MRC1: variants seen among roughly 807,000 people sequenced by gnomAD.
The protein encoded by MRC1 is mannose receptor C-type 1, also known as macrophage mannose receptor 1.
A neutral mutation model predicts 102.9 loss-of-function variants in MRC1; 62 were observed. The ratio of observed to expected loss-of-function variants is 0.60; its 90% CI spans 0.49 to 0.74. The LOEUF (loss-of-function observed/expected upper bound fraction) is 0.74. Among genes scored for constraint, MRC1 ranks in the 30% least tolerant of loss-of-function variants. The pLI, the probability that MRC1 is intolerant of heterozygous loss-of-function variation, is 0.00. For synonymous variants in MRC1, 457 were observed against 298.4 expected, an observed-to-expected ratio of 1.53 and a Z score of -5.48; for missense variants, 1,237 against 862.8, an observed-to-expected ratio of 1.43 and a Z score of -5.43.
At chr10:17,888,288 A>G (rs1357921160) in intron 22 of MRC1, among the ~76,000 whole-genome samples, 1 of 152,182 alleles carries the variant, frequency 6.6e-6, no homozygotes, top group African/African-American at 2.4e-5. Context: ...AAGAAAGGAA[A>G]TAGGGTGAGT....
chr10:17,856,287 A>T lies in MRC1; in HGVS notation c.1453A>T (p.Ile485Phe), dbSNP rs1160614744. 2 of 867,468 alleles carry T rather than the reference A, an allele frequency of 2.3e-6. No homozygotes were observed. The highest frequency in any genetic ancestry group is 2.0e-6 in the Non-Finnish European group (1 of 499,462). 53.7% of individuals were successfully genotyped at this position (867,468 alleles called of 1,614,324 possible). ...GGGCTGTGAGTGGCCTCTTGGCTACATCTGCAAGATGAAATCACGAAGCCA... is the reference window on the plus strand; with the variant it reads ...GGGCTGTGAGTGGCCTCTTGGCTACTTCTGCAAGATGAAATCACGAAGCCA... ...DRGCEWPLGY[I>F]CKMKSRSQGP... Residue 485 changes from isoleucine (I) to phenylalanine (F), a missense_variant, in exon 9 of 30, where the codon ATC becomes TTC. Ile to Phe is a conservative substitution (Grantham distance 21). Coordinates refer to ENST00000569591, the MANE Select transcript of MRC1 (RefSeq NM_002438.4).
In MRC1 at chr10:17,827,677, A is replaced by T; in HGVS notation, c.599A>T (p.Tyr200Phe). ...CTCTGGTGCGGAACCACTACTGACTATGACACAGACAAGCTATTTGGATAT... is the reference window on the plus strand; with the variant it reads ...CTCTGGTGCGGAACCACTACTGACTTTGACACAGACAAGCTATTTGGATAT... Reference protein sequence around the residue: ...GWLWCGTTTDYDTDKLFGYCP... With the variant: ...GWLWCGTTTDFDTDKLFGYCP... The change falls in exon 3 of 30, where the codon TAT (tyrosine) becomes TTT (phenylalanine). Residue 200 changes from tyrosine (Y) to phenylalanine (F), a missense_variant. Transcript: ENST00000569591. The T allele has an allele frequency of 1.3e-6, 1 of 780,882 alleles. No homozygotes were observed. Among genetic ancestry groups the T allele is most frequent in the South Asian group, 1.3e-5 (1 of 74,608 alleles). The allele number at this position is 780,882 out of a possible 1,614,324, so 48.4% of individuals were successfully genotyped here. A position where few individuals can be genotyped will look rare whatever the true frequency, so the allele number is the denominator to read the frequency against.
chr10:17,829,153 G>T (rs1310660068), intron 3 of MRC1, among the ~76,000 whole-genome samples: 3 of 151,508 alleles, frequency 2.0e-5, no homozygotes, highest in Non-Finnish European at 4.4e-5. Context: ...TGGGATGATT[G>T]TGACACCACC....
intron 1 of MRC1, among the ~76,000 whole-genome samples, chr10:17,811,804 C>A (rs1329933316): frequency 6.6e-6 from 1 of 152,012 alleles, no homozygotes; most frequent in Admixed American, 6.6e-5. Context: ...TCAGGCCGAT[C>A]TCAAACTTCT....
intron 28 of MRC1, among the ~76,000 whole-genome samples, chr10:17,908,730 A>T (rs1259406534): frequency 6.6e-6 from 1 of 151,916 alleles, no homozygotes; most frequent in Non-Finnish European, 1.5e-5. Context: ...CACTATGCCC[A>T]GCTAATTTTT....
rs1342431670 is a variant in MRC1 at position 17,853,091 on chromosome 10, C to T, written c.1374C>T (p.Asn458=). 1 of 780,746 alleles carries T rather than the reference C, an allele frequency of 1.3e-6. No homozygotes were observed. The highest frequency in any genetic ancestry group is 1.3e-5 in the South Asian group (1 of 74,594). The allele number at this position is 780,746 out of a possible 1,614,324, so 48.4% of individuals were successfully genotyped here. Residue 458 remains asparagine (N), a synonymous_variant, in exon 8 of 30, where the codon AAC becomes AAT. Coordinates refer to ENST00000569591, the MANE Select transcript of MRC1 (RefSeq NM_002438.4). ...GTGGAGAACCAAGCCATGAAAACAA[C>T]AGACAGGAGGATTGTGTGGTGATGA... ...WLRGEPSHEN[N]RQEDCVVMKG...
rs969532798 is a variant in MRC1, at chr10:17,880,765, T to A, written c.2865+95T>A. ...AGTTAACTTTTGCTAGCCTCATTAC[T>A]TTAGAAAATTTTTGGCAAGAATAGG... On this transcript the variant is annotated intron_variant, in intron 20 of 29. Coordinates refer to ENST00000569591, the MANE Select transcript of MRC1 (RefSeq NM_002438.4). The A allele has an allele frequency of 1.8e-5, 14 of 761,790 alleles. No homozygotes were observed. In the South Asian group the frequency reaches 2.0e-4, roughly 11 times the overall value. 47.2% of individuals were successfully genotyped at this position (761,790 alleles called of 1,614,324 possible). A position where few individuals can be genotyped will look rare whatever the true frequency, so the allele number is the denominator to read the frequency against.
chr10:17,826,272 G>A (rs1023746374), intron 2 of MRC1, among the ~76,000 whole-genome samples: 4 of 151,850 alleles, frequency 2.6e-5, no homozygotes, highest in African/African-American at 4.8e-5. Flanking sequence ...GCGTGATCTC[G>A]GCTCACAGCA....
In MRC1 at chr10:17,809,361, C is replaced by G; in HGVS notation, c.-105C>G. On this transcript the variant is annotated 5_prime_UTR_variant, in exon 1 of 30. Transcript: ENST00000569591. Reference sequence around the variant, plus strand: ...TGTAGTTCTTTTCAGCTGGGCAGCTCTGGGAACTTGGATTAGGTGGAGAGG... The same window carrying G: ...TGTAGTTCTTTTCAGCTGGGCAGCTGTGGGAACTTGGATTAGGTGGAGAGG... The G allele has an allele frequency of 1.2e-6, 1 of 813,242 alleles. No homozygotes were observed. 50.4% of individuals were successfully genotyped at this position (813,242 alleles called of 1,614,324 possible). A position where few individuals can be genotyped will look rare whatever the true frequency, so the allele number is the denominator to read the frequency against.
At chr10:17,886,317 C>CTCCTTCCT (rs1325807829) in intron 22 of MRC1, among the ~76,000 whole-genome samples, 1 of 122,078 alleles carries the variant, frequency 8.2e-6, no homozygotes, top group Non-Finnish European at 1.7e-5. Context: ...CCTTCCTTCC[C>CTCCTTCCT]TCCTTCCTTC....
At chr10:17,848,391 C>G (rs1034970387) in intron 6 of MRC1, among the ~76,000 whole-genome samples, 1 of 152,158 alleles carries the variant, frequency 6.6e-6, no homozygotes, top group Non-Finnish European at 1.5e-5. Flanking sequence ...ATGTACCAGG[C>G]CCTGTGCCAG....
At position 17,823,150 on chromosome 10, in the gene MRC1, C is replaced by T. The variant is rs782739116; in HGVS notation, c.138C>T (p.Thr46=). ...CAGTGAGTCCCAGTGCCGTCCAAAC[C>T]GCAGCTTGCAACCAGGATGCCGAAT... ...VDAVSPSAVQ[T]AACNQDAESQ... The change falls in exon 2 of 30, where the codon ACC becomes ACT. Residue 46 remains threonine (T), a synonymous_variant. Transcript: ENST00000569591. 11 of 780,718 alleles carry T rather than the reference C, an allele frequency of 1.4e-5. No homozygotes were observed. The Admixed American group carries it at 1.7e-4, about 12-fold the overall frequency. The allele number at this position is 780,718 out of a possible 1,614,324, so 48.4% of individuals were successfully genotyped here. A position where few individuals can be genotyped will look rare whatever the true frequency, so the allele number is the denominator to read the frequency against.
chr10:17,859,648 C>T (rs1311258788), intron 9 of MRC1, among the ~76,000 whole-genome samples: 2 of 152,104 alleles, frequency 1.3e-5, no homozygotes, highest in African/African-American at 4.8e-5. Flanking sequence ...GATTTAGTGA[C>T]CTCTCCATCC....
At chr10:17,829,115 G>C (rs1179122265) in intron 3 of MRC1, among the ~76,000 whole-genome samples, 2 of 151,360 alleles carry the variant, frequency 1.3e-5, no homozygotes, top group African/African-American at 2.5e-5. Context: ...AAAGGGACTG[G>C]GCAGAGCAAA....
At chr10:17,879,219 A>G (rs1833479114) in intron 18 of MRC1, among the ~76,000 whole-genome samples, 1 of 152,148 alleles carries the variant, frequency 6.6e-6, no homozygotes, top group East Asian at 1.9e-4. Flanking sequence ...TAGCCTGGAC[A>G]TGGCATCAGG....
chr10:17,851,018 G>A (rs1838907876), intron 7 of MRC1, among the ~76,000 whole-genome samples: 3 of 152,184 alleles, frequency 2.0e-5, no homozygotes, highest in Admixed American at 1.3e-4. Context: ...AATGGAATCA[G>A]AACTGGTATG....
intron 9 of MRC1, among the ~76,000 whole-genome samples, chr10:17,856,703 A>G (rs1157633094): frequency 6.6e-6 from 1 of 152,112 alleles, no homozygotes; most frequent in Admixed American, 6.5e-5. Flanking sequence ...AGAAGGTGAC[A>G]GTCTACTATA....
At chr10:17,846,617 T>G (rs1554840245) in intron 6 of MRC1, among the ~76,000 whole-genome samples, 2 of 152,344 alleles carry the variant, frequency 1.3e-5, no homozygotes, top group African/African-American at 4.8e-5. Flanking sequence ...GTATCCTTAG[T>G]TATTCTGTGA....
At chr10:17,883,943 C>T (rs938211575) in intron 21 of MRC1, among the ~76,000 whole-genome samples, 5 of 152,164 alleles carry the variant, frequency 3.3e-5, no homozygotes, top group African/African-American at 9.7e-5. Flanking sequence ...TCTATAGTCT[C>T]ATCCAGTGAT....
Sources: allele counts gnomAD v4.1 joint callset (sites outside exome capture counted in the v4.1 genomes callset), GRCh38; gene constraint gnomAD v4.1.1; transcripts MANE v1.5; gene names NCBI Gene and HGNC (gene_info 2026-07-23, HGNC 2026-07-21).